STK11: variants seen among roughly 807,000 people sequenced by gnomAD.
STK11 encodes serine/threonine kinase 11.
A neutral mutation model predicts 47.3 loss-of-function variants in STK11; 8 were observed. The observed-to-expected ratio is 0.17, with a 90% CI of 0.10 to 0.31. STK11 has a LOEUF of 0.31. Ranked by LOEUF, STK11 falls within the 10% of genes least tolerant of loss-of-function variation. The pLI, the probability that STK11 is intolerant of heterozygous loss-of-function variation, is 1.00. For synonymous variants in STK11, 330 were observed against 255.8 expected, an observed-to-expected ratio of 1.29 and a Z score of -2.77; for missense variants, 475 against 605.0, an observed-to-expected ratio of 0.79 and a Z score of 2.25.
chr19:1,211,610 C>T (rs557922546), intron 1 of STK11, among the ~76,000 whole-genome samples: 1 of 152,370 alleles, frequency 6.6e-6, no homozygotes, highest in African/African-American at 2.4e-5. Context: ...TGGCGGTGTC[C>T]CACGGCCCTG....
chr19:1,218,132 G>A (rs1404527323), intron 1 of STK11, among the ~76,000 whole-genome samples: 1 of 151,794 alleles, frequency 6.6e-6, no homozygotes. Context: ...GACAGAGCAA[G>A]ACTCTGTCTC....
intron 8 of STK11, chr19:1,224,277 G>A (rs1212197789): frequency 1.0e-6 from 1 of 985,234 alleles, no homozygotes; most frequent in African/African-American, 1.7e-5. Context: ...GGGGCCCCCA[G>A]GATCACAGGG....
At chr19:1,226,706 C>T (rs1395861378) in intron 9 of STK11, 43 bp downstream of exon 9, 18 of 1,448,898 alleles carry the variant, frequency 1.2e-5, no homozygotes, top group Non-Finnish European at 1.5e-5. Context: ...GGGGACAACG[C>T]CTGGATGCCA....
In STK11 at chr19:1,206,841, T is replaced by G. The variant is rs2145404053; in HGVS notation, c.-73T>G. 1 of 1,460,328 alleles carries G rather than the reference T, an allele frequency of 6.8e-7. No homozygotes were observed. The highest frequency in any genetic ancestry group is 9.1e-7 in the Non-Finnish European group (1 of 1,100,038). 90.5% of individuals were successfully genotyped at this position (1,460,328 alleles called of 1,614,324 possible). ...TTTGTAAAATTTTGGAGAAGGGAAG[T>G]CGGAACACAAGGAAGGACCGCTCAC... On this transcript the variant is annotated 5_prime_UTR_variant, in exon 1 of 10. Coordinates refer to ENST00000326873, the MANE Select transcript of STK11 (RefSeq NM_000455.5).
chr19:1,208,784 ATTTTTTT>A (rs138858798), intron 1 of STK11, among the ~76,000 whole-genome samples: 9 of 121,774 alleles, frequency 7.4e-5, no homozygotes, highest in Non-Finnish European at 1.2e-4. Flanking sequence ...TGCCCAGCTA[ATTTTTTT>A]TTTTTTTTTT....
At chr19:1,216,915 T>C (rs754641169) in intron 1 of STK11, among the ~76,000 whole-genome samples, 70 of 151,998 alleles carry the variant, frequency 4.6e-4, no homozygotes, top group Non-Finnish European at 8.1e-4. Context: ...AGCTAGGCTG[T>C]GGCTCGAGTC....
chr19:1,226,164 C>T (rs1279568044), intron 8 of STK11: 7 of 1,269,868 alleles, frequency 5.5e-6, no homozygotes, highest in East Asian at 3.7e-5. Flanking sequence ...CGTGAGGTTC[C>T]TGCAGTCAGT....
At chr19:1,210,572 A>T (rs1415614637) in intron 1 of STK11, among the ~76,000 whole-genome samples, 2 of 152,204 alleles carry the variant, frequency 1.3e-5, no homozygotes, top group African/African-American at 4.8e-5. Context: ...AAAAAGCATC[A>T]ATGAGTTAAA....
At chr19:1,221,741 G>A (rs1441412700) in intron 6 of STK11, 2 of 630,946 alleles carry the variant, frequency 3.2e-6, no homozygotes, top group Admixed American at 5.7e-5. Flanking sequence ...GCCCAGCCCT[G>A]TCTCCCTGCC....
chr19:1,224,357 C>T (rs1312607578), intron 8 of STK11: 14 of 985,184 alleles, frequency 1.4e-5, no homozygotes, highest in Non-Finnish European at 1.6e-5. Context: ...ACGGGAGGTG[C>T]TGCTGGGTAC....
chr19:1,210,132 G>A (rs2080699433), intron 1 of STK11, among the ~76,000 whole-genome samples: 2 of 152,110 alleles, frequency 1.3e-5, no homozygotes, highest in Admixed American at 1.3e-4. Context: ...ATTTCCTCCA[G>A]CCCCCTGGGT....
At position 1,222,005 on chromosome 19, in the gene STK11, A is replaced by G. The variant is rs2145428889; in HGVS notation, c.919A>G (p.Ser307Gly). The G allele has an allele frequency of 6.4e-7, 1 of 1,569,988 alleles. No homozygotes were observed. Among genetic ancestry groups the G allele is most frequent in the Non-Finnish European group, 8.6e-7 (1 of 1,158,452 alleles). ...CTCCATCCGGCAGATCCGGCAGCAC[A>G]GGTGAGCGGCCCCTGGGGGCAGTGG... ...RFSIRQIRQH[S>G]WFRKKHPPAE... The change falls in exon 7 of 10, where the codon AGC becomes GGC. Residue 307 changes from serine to glycine, a missense_variant and splice_region_variant. This residue lies in a region of STK11 where 219 missense variants were observed against 189.2 expected (regional missense o/e 1.16). Coordinates refer to ENST00000326873, the MANE Select transcript of STK11 (RefSeq NM_000455.5).
chr19:1,220,485 T>G lies in STK11; in HGVS notation c.577T>G (p.Ser193Ala), dbSNP rs1064794883. ...CACCACCGGTGGCACCCTCAAAATC[T>G]CCGACCTGGGCGTGGCCGAGGTAGG... ...LLTTGGTLKI[S>A]DLGVAEALHP... The change falls in exon 4 of 10, where the codon TCC becomes GCC. Residue 193 changes from serine to alanine, a missense_variant. Ser to Ala is a moderately conservative substitution (Grantham distance 99). Transcript: ENST00000326873. The G allele has an allele frequency of 8.7e-6, 14 of 1,605,764 alleles. No individual in the cohort carries two copies. The highest frequency in any genetic ancestry group is 1.2e-5 in the Non-Finnish European group (14 of 1,176,772).
rs530279087 is a variant in STK11, at chr19:1,220,950, G to A, written c.734+233G>A. Among the ~76,000 whole-genome samples, 5 of 152,304 alleles carry A rather than the reference G, an allele frequency of 3.3e-5. No homozygotes were observed. The South Asian group carries it at 6.2e-4, about 19-fold the overall frequency. On this transcript the variant is annotated intron_variant, in intron 5 of 9. Transcript: ENST00000326873. ...GGGATCTTCACAGAGTGGCACGGCC[G>A]ACCCTCCTCCCAGAGCCCCACAGGG...
intron 1 of STK11, among the ~76,000 whole-genome samples, chr19:1,217,782 G>T (rs944063921): frequency 2.0e-5 from 3 of 152,194 alleles, no homozygotes; most frequent in Non-Finnish European, 2.9e-5. Context: ...CATCACCAGG[G>T]CTCCAACTCA....
intron 1 of STK11, among the ~76,000 whole-genome samples, chr19:1,208,772 A>C (rs12611000): frequency 0.54 from 78,102 of 145,936 alleles, 21,775 homozygotes; most frequent in East Asian, 0.98. Context: ...TGCCTGCCAC[A>C]GTGCCCAGCT....
intron 1 of STK11, among the ~76,000 whole-genome samples, chr19:1,213,116 C>T (rs1054814511): frequency 6.6e-6 from 1 of 150,940 alleles, no homozygotes; most frequent in African/African-American, 2.4e-5. Context: ...CCTGCCTCAG[C>T]CTCCCGAATA....
chr19:1,225,234 C>T (rs939888488), intron 8 of STK11: 4 of 985,336 alleles, frequency 4.1e-6, no homozygotes, highest in African/African-American at 1.7e-5. Context: ...AAGCTCAGAC[C>T]TATGGGTGCA....
At chr19:1,219,905 C>T in intron 3 of STK11, 2 of 193,102 alleles carry the variant, frequency 1.0e-5, no homozygotes, top group Non-Finnish European at 2.2e-5. Context: ...CATCCACAGG[C>T]AGGGCTGCTG....
Sources: gnomAD v4.1 joint callset for allele counts (sites outside exome capture counted in the v4.1 genomes callset) on GRCh38, gnomAD v4.1.1 for gene constraint, gnomAD v4.1.1 regional missense constraint, MANE v1.5 for transcripts, NCBI Gene and HGNC (gene_info 2026-07-23, HGNC 2026-07-21) for gene names.